NFS1: variants seen among roughly 807,000 people sequenced by gnomAD.
The protein encoded by NFS1 is cysteine desulfurase.
NFS1 carries 26 observed loss-of-function variants against 57.3 expected under a neutral mutation model. The ratio of observed to expected loss-of-function variants is 0.45; its 90% CI spans 0.33 to 0.63. The LOEUF (loss-of-function observed/expected upper bound fraction) is 0.63, where lower values mean the gene tolerates loss of function less well. Ranked by LOEUF, NFS1 falls within the 20% of genes least tolerant of loss-of-function variation. NFS1 has a pLI of 0.02. For missense variants in NFS1, 505 were observed against 605.8 expected, an observed-to-expected ratio of 0.83 and a Z score of 1.75; for synonymous variants, 209 against 216.3, an observed-to-expected ratio of 0.97 and a Z score of 0.30.
chr20:35,672,707 G>A, intron 12 of NFS1, 48 bp downstream of exon 12: 1 of 1,279,418 alleles, frequency 7.8e-7, no homozygotes, highest in South Asian at 1.2e-5. Context: ...CAAGAGGGGA[G>A]ACAGTGCTAG....
At chr20:35,696,302 G>A (rs887554441) in intron 4 of NFS1, 75 bp downstream of exon 4, 7 of 964,886 alleles carry the variant, frequency 7.3e-6, no homozygotes, top group East Asian at 2.4e-5. Context: ...ATACATATAC[G>A]AGTCCAAATG....
chr20:35,690,405 A>T lies in NFS1; in HGVS notation c.561+8T>A, dbSNP rs371564648. The T allele has an allele frequency of 1.2e-6, 2 of 1,610,014 alleles. No homozygotes were observed. The highest frequency in any genetic ancestry group is 4.5e-5 in the East Asian group (2 of 44,802). ...ATTTTTGCTCCTCCTGCCAATAGCC[A>T]CTCCTACCTTTAGGTCAATGATCCC... is the stretch of plus-strand genomic sequence containing the variant. On this transcript the variant is annotated splice_region_variant and intron_variant, in intron 5 of 12. Transcript: ENST00000374092.
At chr20:35,682,089 C>G (rs960196832) in intron 5 of NFS1, 108 bp from the exon 6 acceptor site, 6 of 549,860 alleles carry the variant, frequency 1.1e-5, no homozygotes, top group Admixed American at 2.6e-5. Flanking sequence ...ACATACCTAT[C>G]TGAATAGTTA....
chr20:35,694,551 A>C (rs759455205), intron 4 of NFS1: 1 of 152,244 alleles, frequency 6.6e-6, no homozygotes, highest in Non-Finnish European at 1.5e-5. Context: ...TCATGAGGAC[A>C]AAGAACATAA....
At chr20:35,688,913 G>T (rs2034992346) in intron 5 of NFS1, among the ~76,000 whole-genome samples, 2 of 152,156 alleles carry the variant, frequency 1.3e-5, no homozygotes, top group Non-Finnish European at 2.9e-5. Context: ...ATGTAAATAA[G>T]ATGAAAAAGA....
rs774961952 is a variant in NFS1 at position 35,696,360 on chromosome 20, T to C, written c.408+17A>G. The C allele has an allele frequency of 3.2e-6, 5 of 1,579,852 alleles. No homozygotes were observed. In the East Asian group the frequency reaches 6.7e-5, roughly 21 times the overall value. ...GTCAGGAAAGCCCACATACACCCTC[T>C]GGTTCCCTTCTCTTACCTTAATTGC... On this transcript the variant is annotated intron_variant, in intron 4 of 12. Coordinates refer to ENST00000374092, the MANE Select transcript of NFS1 (RefSeq NM_021100.5).
In NFS1 at chr20:35,678,236, TC is replaced by T. The variant is rs926133650; in HGVS notation, c.790+2500del. Among the ~76,000 whole-genome samples the T allele has an allele frequency of 2.0e-4, 30 of 152,066 alleles. 1 individual carries two copies. Among genetic ancestry groups the T allele is most frequent in the African/African-American group, 7.0e-4 (29 of 41,480 alleles). ...CGGGCGTGGTGGCAAGCGCCTGTAG[TC>T]CCAGCTGCTTGGGACGCTGAGGCAG... On this transcript the variant is annotated intron_variant, in intron 7 of 12. Coordinates refer to ENST00000374092, the MANE Select transcript of NFS1 (RefSeq NM_021100.5).
intron 7 of NFS1, among the ~76,000 whole-genome samples, chr20:35,678,528 C>CAAAAAAAAA (rs1169564584): frequency 1.8e-5 from 1 of 56,920 alleles, no homozygotes; most frequent in African/African-American, 6.7e-5. Context: ...GACTTTGTCT[C>CAAAAAAAAA]AAAAAAAAAA....
chr20:35,674,957 A>G (rs2034715731), intron 8 of NFS1, 88 bp downstream of exon 8: 1 of 1,553,222 alleles, frequency 6.4e-7, no homozygotes, highest in Non-Finnish European at 8.9e-7. Flanking sequence ...CTCCCTGCAG[A>G]GATCTGCCTC....
At chr20:35,680,099 T>C in intron 7 of NFS1, among the ~76,000 whole-genome samples, 1 of 151,892 alleles carries the variant, frequency 6.6e-6, no homozygotes, top group East Asian at 1.9e-4. Flanking sequence ...GGTCAGGAGA[T>C]CAAGACCATC....
At chr20:35,691,420 TA>T (rs926057694) in intron 4 of NFS1, among the ~76,000 whole-genome samples, 1 of 141,828 alleles carries the variant, frequency 7.1e-6, no homozygotes, top group African/African-American at 2.5e-5. Context: ...TACAAGAAAC[TA>T]AAAAAAACAT....
chr20:35,698,213 C>A (rs763705655), intron 2 of NFS1, among the ~76,000 whole-genome samples: 1 of 152,248 alleles, frequency 6.6e-6, no homozygotes, highest in Admixed American at 6.5e-5. Context: ...CACACAGTTA[C>A]TAAGTGGCCG....
rs1211129986 is a variant in NFS1, at chr20:35,669,544, T to A, written c.*78A>T. Reference sequence around the variant, plus strand: ...ATACCAATCTAGAGCATCCACTAGGTGTAACAAGGTGTCTGGTTGTGCACG... The same window carrying A: ...ATACCAATCTAGAGCATCCACTAGGAGTAACAAGGTGTCTGGTTGTGCACG... On this transcript the variant is annotated 3_prime_UTR_variant, in exon 13 of 13. Transcript: ENST00000374092. The A allele has an allele frequency of 8.0e-7, 1 of 1,250,278 alleles. No homozygotes were observed. The highest frequency in any genetic ancestry group is 1.5e-5 in the African/African-American group (1 of 67,964). The allele number at this position is 1,250,278 out of a possible 1,614,324, so 77.4% of individuals were successfully genotyped here.
At chr20:35,692,240 G>A (rs2035054512) in intron 4 of NFS1, 1 of 273,708 alleles carries the variant, frequency 3.7e-6, no homozygotes, top group South Asian at 3.3e-5. Context: ...GAGGTGTGGT[G>A]GCACGCACCT....
intron 7 of NFS1, chr20:35,675,979 T>C (rs1485951317): frequency 2.0e-5 from 3 of 151,854 alleles, no homozygotes; most frequent in African/African-American, 7.3e-5. Context: ...GTCTGTACTT[T>C]AGCTTGAAAA....
chr20:35,674,181 TC>T (rs1017565177), intron 10 of NFS1, 168 bp downstream of exon 10: 1 of 628,058 alleles, frequency 1.6e-6, no homozygotes, highest in African/African-American at 1.8e-5. Context: ...TAAACTTCAG[TC>T]TGTACCCAGC....
chr20:35,697,513 T>C (rs780112990), intron 3 of NFS1, among the ~76,000 whole-genome samples, 171 bp downstream of exon 3: 7 of 152,168 alleles, frequency 4.6e-5, no homozygotes, highest in South Asian at 4.1e-4. Context: ...CCAGGAAATA[T>C]GGGAACCAAT....
intron 5 of NFS1, among the ~76,000 whole-genome samples, chr20:35,685,095 C>G (rs1175405047): frequency 6.6e-6 from 1 of 151,568 alleles, no homozygotes; most frequent in Non-Finnish European, 1.5e-5. Context: ...CCATGTTGGC[C>G]AGGCTAGTCT....
At position 35,698,516 on chromosome 20, in the gene NFS1, G is replaced by A; in HGVS notation, c.172C>T (p.Pro58Ser). Residue 58 changes from proline (P) to serine (S), a missense_variant, in exon 2 of 13, where the codon CCT (proline) becomes TCT (serine). Coordinates refer to ENST00000374092, the MANE Select transcript of NFS1 (RefSeq NM_021100.5). ...AAPEVGPVLR[P>S]LYMDVQATTP... ...GTAGCTTGCACATCCATATAGAGAGGTCGCAGCACTGGCCCCACCTCCGGG... is the reference window on the plus strand; with the variant it reads ...GTAGCTTGCACATCCATATAGAGAGATCGCAGCACTGGCCCCACCTCCGGG... The A allele has an allele frequency of 1.2e-6, 2 of 1,613,922 alleles. No individual in the cohort carries two copies. Among genetic ancestry groups the A allele is most frequent in the Non-Finnish European group, 1.7e-6 (2 of 1,179,924 alleles).
Sources: gnomAD v4.1 joint callset for allele counts (sites outside exome capture counted in the v4.1 genomes callset) on GRCh38, gnomAD v4.1.1 for gene constraint, MANE v1.5 for transcripts, NCBI Gene and HGNC (gene_info 2026-07-23, HGNC 2026-07-21) for gene names.